The following MYO9B variants were observed in gnomAD, a reference collection of about 807,000 sequenced individuals.
MYO9B encodes myosin IXB.
Under a neutral mutation model 229.5 loss-of-function variants are expected in MYO9B, and 71 were observed. That is an observed-to-expected ratio of 0.31 (90% CI 0.26 to 0.38). MYO9B has a LOEUF of 0.38. Ranked by LOEUF, MYO9B falls within the 10% of genes least tolerant of loss-of-function variation. The pLI is 1.00. For missense variants in MYO9B, 2,255 were observed against 2,920.5 expected, an observed-to-expected ratio of 0.77 and a Z score of 5.25; for synonymous variants, 1,185 against 1,235.8, an observed-to-expected ratio of 0.96 and a Z score of 0.86.
At position 17,144,787 on chromosome 19, in the gene MYO9B, A is replaced by C. The variant is rs181184843; in HGVS notation, c.841-610A>C. Among the ~76,000 whole-genome samples, 509 of 151,402 alleles carry C rather than the reference A, an allele frequency of 3.4e-3. 4 individuals are homozygous for C. Among genetic ancestry groups the C allele is most frequent in the African/African-American group, 0.012 (480 of 41,294 alleles). Reference sequence around the variant, plus strand: ...AGTTCGAGACCAGACTGGGCAACACAGTGAAACCCCGTCTGTACTAAAAAT... The same window carrying C: ...AGTTCGAGACCAGACTGGGCAACACCGTGAAACCCCGTCTGTACTAAAAAT... On this transcript the variant is annotated intron_variant, in intron 2 of 39. Transcript: ENST00000682292.
chr19:17,120,897 A>G (rs114143087), intron 2 of MYO9B, among the ~76,000 whole-genome samples: 1 of 152,092 alleles, frequency 6.6e-6, no homozygotes, highest in Non-Finnish European at 1.5e-5. Context: ...GAGGATTGCA[A>G]AGCCCTGGGA....
rs141728874 is a variant in MYO9B at position 17,136,176 on chromosome 19, A to C, written c.841-9221A>C. Among the ~76,000 whole-genome samples the C allele has an allele frequency of 1.2e-3, 180 of 152,246 alleles. 1 individual carries two copies. Among genetic ancestry groups the C allele is most frequent in the Non-Finnish European group, 1.7e-3 (118 of 68,002 alleles). On this transcript the variant is annotated intron_variant, in intron 2 of 39. Coordinates refer to ENST00000682292, the MANE Select transcript of MYO9B (RefSeq NM_004145.4). ...GGGAGGAGAGTCTGGTCGTGGGACC[A>C]CATAGGTGAGGCTGGGCTTCGTGCT...
chr19:17,167,659 A>G (rs979603069), intron 10 of MYO9B, among the ~76,000 whole-genome samples: 15 of 151,356 alleles, frequency 9.9e-5, no homozygotes, highest in African/African-American at 3.6e-4. Flanking sequence ...TTGTATCTTT[A>G]GTAGAGATGG....
At chr19:17,078,356 A>G (rs556999447) in intron 1 of MYO9B, among the ~76,000 whole-genome samples, 95 of 152,220 alleles carry the variant, frequency 6.2e-4, no homozygotes, top group African/African-American at 2.2e-3. Context: ...CCTGACCAAT[A>G]TGGAGAAACC....
chr19:17,170,245 C>G (rs997965753), intron 11 of MYO9B, among the ~76,000 whole-genome samples: 1 of 152,060 alleles, frequency 6.6e-6, no homozygotes, highest in Admixed American at 6.6e-5. Flanking sequence ...CTAGGTCCCA[C>G]GCTAATGACC....
At chr19:17,204,467 G>T (rs1011830419) in intron 30 of MYO9B, among the ~76,000 whole-genome samples, 1 of 151,664 alleles carries the variant, frequency 6.6e-6, no homozygotes, top group Non-Finnish European at 1.5e-5. Flanking sequence ...CTGAGGCCAT[G>T]AATGGCCACC....
chr19:17,191,984 GAC>G (rs1185532495), intron 20 of MYO9B, among the ~76,000 whole-genome samples: 3 of 151,768 alleles, frequency 2.0e-5, no homozygotes, highest in Non-Finnish European at 4.4e-5. Flanking sequence ...TTATTTTTGA[GAC>G]AGAGTCTTGC....
At position 17,200,854 on chromosome 19, in the gene MYO9B, G is replaced by A; in HGVS notation, c.4563+25G>A. On this transcript the variant is annotated intron_variant, in intron 26 of 39. Transcript: ENST00000682292. ...GGTGGGATCACTAGGCGAGGGCCAG[G>A]GGCATGAGGCCCGGTCCCCAGGGGA... 5 of 1,608,160 alleles carry A rather than the reference G, an allele frequency of 3.1e-6. No homozygotes were observed. In the Admixed American group the frequency reaches 5.0e-5, roughly 16 times the overall value.
Position 17,164,082 on chromosome 19 carries a change from T to C in MYO9B, c.1671+960T>C, listed in dbSNP as rs1712180360. Among the ~76,000 whole-genome samples, 5 of 152,300 alleles carry C rather than the reference T, an allele frequency of 3.3e-5. 1 individual carries two copies. In the South Asian group the frequency reaches 1.0e-3, roughly 32 times the overall value. On this transcript the variant is annotated intron_variant, in intron 10 of 39. Coordinates refer to ENST00000682292, the MANE Select transcript of MYO9B (RefSeq NM_004145.4). Reference sequence around the variant, plus strand: ...ACTGTTTTCCATAACAGCTGCAGCATTTTATAAGGAAATATCATGTTGTTG... The same window carrying C: ...ACTGTTTTCCATAACAGCTGCAGCACTTTATAAGGAAATATCATGTTGTTG...
chr19:17,162,340 G>T lies in MYO9B; in HGVS notation c.1420-10G>T. 1 of 1,559,818 alleles carries T rather than the reference G, an allele frequency of 6.4e-7. No homozygotes were observed. On this transcript the variant is annotated splice_polypyrimidine_tract_variant and intron_variant, in intron 8 of 39. Coordinates refer to ENST00000682292, the MANE Select transcript of MYO9B (RefSeq NM_004145.4). Reference sequence around the variant, plus strand: ...GTGCCGGAGGTGAGTCACCCCCTCTGTGTCCACAGGCCATCACTGCCCGCG... The same window carrying T: ...GTGCCGGAGGTGAGTCACCCCCTCTTTGTCCACAGGCCATCACTGCCCGCG...
intron 24 of MYO9B, among the ~76,000 whole-genome samples, chr19:17,200,009 C>A (rs2073089944): frequency 6.6e-6 from 1 of 152,048 alleles, no homozygotes; most frequent in South Asian, 2.1e-4. Context: ...GTAGCTGGGA[C>A]TACAGGAACC....
intron 8 of MYO9B, among the ~76,000 whole-genome samples, chr19:17,159,871 G>C (rs1444443982): frequency 6.6e-6 from 1 of 152,216 alleles, no homozygotes; most frequent in Non-Finnish European, 1.5e-5. Flanking sequence ...AAGCAGAGCA[G>C]TTGCAACAGA....
intron 26 of MYO9B, 135 bp downstream of exon 26, chr19:17,200,964 G>A (rs1271059201): frequency 9.6e-7 from 1 of 1,040,480 alleles, no homozygotes; most frequent in Middle Eastern, 3.1e-4. Context: ...TCAGGCCGGG[G>A]ACAGTGGTTC....
At chr19:17,200,966 C>A (rs2073100566) in intron 26 of MYO9B, 137 bp downstream of exon 26, 4 of 1,036,528 alleles carry the variant, frequency 3.9e-6, no homozygotes, top group Admixed American at 4.8e-5. Context: ...AGGCCGGGGA[C>A]AGTGGTTCAT....
intron 1 of MYO9B, among the ~76,000 whole-genome samples, chr19:17,082,938 C>T (rs2057546950): frequency 6.6e-6 from 1 of 151,890 alleles, no homozygotes; most frequent in Non-Finnish European, 1.5e-5. Flanking sequence ...TCTCAATATC[C>T]TGCAGCCAAG....
At chr19:17,141,719 C>T (rs2072342425) in intron 2 of MYO9B, among the ~76,000 whole-genome samples, 1 of 152,198 alleles carries the variant, frequency 6.6e-6, no homozygotes, top group African/African-American at 2.4e-5. Context: ...GGGAAGGGGG[C>T]ACCCCAGGAA....
intron 14 of MYO9B, chr19:17,177,576 C>G (rs1407576980): frequency 6.6e-6 from 1 of 152,088 alleles, no homozygotes; most frequent in East Asian, 1.9e-4. Context: ...CTCCTGGCCT[C>G]AAGCCATCTT....
chr19:17,203,135 C>G lies in MYO9B; in HGVS notation c.4879-12C>G, dbSNP rs2073126237. On this transcript the variant is annotated splice_polypyrimidine_tract_variant and intron_variant, in intron 29 of 39. Coordinates refer to ENST00000682292, the MANE Select transcript of MYO9B (RefSeq NM_004145.4). ...CCCTTTCCCTGCCCAGCGCCTTCCTCTGGCCTCACAGGTCCAGGAGCACAA... is the reference window on the plus strand; with the variant it reads ...CCCTTTCCCTGCCCAGCGCCTTCCTGTGGCCTCACAGGTCCAGGAGCACAA... 6.4e-7 allele frequency: 1 copy of G among 1,558,388 alleles called. No individual in the cohort carries two copies. Among genetic ancestry groups the G allele is most frequent in the South Asian group, 1.2e-5 (1 of 84,392 alleles).
chr19:17,206,225 G>GGGGGGCC, intron 32 of MYO9B, 23 bp from the exon 33 acceptor site: 8 of 1,564,610 alleles, frequency 5.1e-6, no homozygotes, highest in Non-Finnish European at 6.9e-6. Flanking sequence ...CCGCTCACCA[G>GGGGGGCC]ACCCACCCCA....
Sources: allele counts gnomAD v4.1 joint callset (sites outside exome capture counted in the v4.1 genomes callset), GRCh38; gene constraint gnomAD v4.1.1; transcripts MANE v1.5; gene names NCBI Gene and HGNC (gene_info 2026-07-23, HGNC 2026-07-21).